Variants in FOXP1 observed in about 807,000 individuals in gnomAD.
FOXP1 encodes the protein forkhead box protein P1.
FOXP1 carries 15 observed loss-of-function variants against 98.2 expected under a neutral mutation model. The ratio of observed to expected loss-of-function variants is 0.15; its 90% CI spans 0.10 to 0.24. The LOEUF (loss-of-function observed/expected upper bound fraction) is 0.24. Ranked by LOEUF, FOXP1 falls within the 10% of genes least tolerant of loss-of-function variation. The probability of loss-of-function intolerance (pLI) is 1.00; values close to 1 mark genes in which losing one functional copy is unlikely to be tolerated. For synonymous variants in FOXP1, 371 were observed against 314.5 expected (o/e 1.18, Z -1.90); for missense variants, 633 against 848.5 (o/e 0.75, Z 3.15).
intron 7 of FOXP1, among the ~76,000 whole-genome samples, chr3:71,075,945 C>T (rs2107476865): frequency 6.6e-6 from 1 of 152,188 alleles, no homozygotes; most frequent in South Asian, 2.1e-4. Flanking sequence ...CTCTCGAACT[C>T]CTGGGCTCAA....
chr3:71,581,675 T>C lies in FOXP1; in HGVS notation c.-424A>G. 2.0e-6 allele frequency: 2 copies of C among 985,790 alleles called. No individual in the cohort carries two copies. The highest frequency in any genetic ancestry group is 2.4e-6 in the Non-Finnish European group (2 of 830,082). 61.1% of individuals were successfully genotyped at this position (985,790 alleles called of 1,614,324 possible). A position where few individuals can be genotyped will look rare whatever the true frequency, so the allele number is the denominator to read the frequency against. Reference sequence around the variant, plus strand: ...GCTCGCTCGCTCGCCGCGCGCTCTCTTCCTCTTACAAACTTTCGGGTTCTG... The same window carrying C: ...GCTCGCTCGCTCGCCGCGCGCTCTCCTCCTCTTACAAACTTTCGGGTTCTG... On this transcript the variant is annotated 5_prime_UTR_variant, in exon 2 of 21. Coordinates refer to ENST00000649528, the MANE Select transcript of FOXP1 (RefSeq NM_001349338.3).
At chr3:71,540,165 G>C (rs746661839) in intron 2 of FOXP1, among the ~76,000 whole-genome samples, 1 of 152,222 alleles carries the variant, frequency 6.6e-6, no homozygotes, top group African/African-American at 2.4e-5. Context: ...CACAAGTTTG[G>C]TGAGGGCCCC....
In FOXP1 at chr3:70,988,008, C is replaced by T. The variant is rs2107493694; in HGVS notation, c.1132G>A (p.Ala378Thr). Residue 378 changes from alanine (A) to threonine (T), a missense_variant, in exon 14 of 21, where the codon GCC (alanine) becomes ACC (threonine). This residue lies in a region of FOXP1 where 141 missense variants were observed against 199.5 expected (regional missense o/e 0.71). Coordinates refer to ENST00000649528, the MANE Select transcript of FOXP1 (RefSeq NM_001349338.3). ...HLHVKSTEPK[A>T]APQPLNLVSS... ...TCAATACTTACGGGCTGAGGGGCGG[C>T]TTTGGGTTCTGTAGACTTCACATGC... 6.2e-7 allele frequency: 1 copy of T among 1,614,074 alleles called. No homozygotes were observed. The highest frequency in any genetic ancestry group is 8.5e-7 in the Non-Finnish European group (1 of 1,179,974).
chr3:71,486,762 T>TG (rs1370402945), intron 3 of FOXP1, among the ~76,000 whole-genome samples: 22 of 152,344 alleles, frequency 1.4e-4, no homozygotes, highest in African/African-American at 5.0e-4. Context: ...TCCTTCTCTT[T>TG]GCTTCTGTGC....
chr3:71,150,573 C>G (rs1343679865), intron 6 of FOXP1, among the ~76,000 whole-genome samples: 1 of 152,108 alleles, frequency 6.6e-6, no homozygotes, highest in African/African-American at 2.4e-5. Context: ...CCTTAACACC[C>G]TCCAACTTCC....
chr3:71,538,766 G>C (rs36118531), intron 2 of FOXP1, among the ~76,000 whole-genome samples: 1 of 152,134 alleles, frequency 6.6e-6, no homozygotes, highest in African/African-American at 2.4e-5. Flanking sequence ...CCTTATCCAT[G>C]GTCATGAAGA....
At chr3:71,137,123 A>G (rs1395493453) in intron 6 of FOXP1, among the ~76,000 whole-genome samples, 1 of 152,180 alleles carries the variant, frequency 6.6e-6, no homozygotes, top group Non-Finnish European at 1.5e-5. Context: ...GGGTGGTGGG[A>G]GAGTATCTCA....
intron 5 of FOXP1, among the ~76,000 whole-genome samples, chr3:71,237,533 G>A (rs918337202): frequency 6.6e-6 from 1 of 152,160 alleles, no homozygotes; most frequent in African/African-American, 2.4e-5. Context: ...TTTCTGTGTG[G>A]TAAGGGAAAC....
At chr3:70,993,767 G>A (rs1027329663) in intron 13 of FOXP1, among the ~76,000 whole-genome samples, 10 of 152,182 alleles carry the variant, frequency 6.6e-5, no homozygotes, top group African/African-American at 2.4e-4. Flanking sequence ...GGCCGAGGCA[G>A]GCGGATCCCT....
At chr3:70,962,286 T>C (rs562635120) in intron 20 of FOXP1, among the ~76,000 whole-genome samples, 1 of 152,364 alleles carries the variant, frequency 6.6e-6, no homozygotes, top group South Asian at 2.1e-4. Context: ...ACTGTTTGTA[T>C]AATACAATGA....
chr3:71,572,812 CTT>C (rs1357086563), intron 2 of FOXP1: 2 of 152,184 alleles, frequency 1.3e-5, no homozygotes, highest in African/African-American at 4.8e-5. Flanking sequence ...CTGATTTACT[CTT>C]TGTTCCTTTT....
intron 20 of FOXP1, among the ~76,000 whole-genome samples, chr3:70,964,323 T>C (rs141592428): frequency 4.4e-4 from 67 of 152,354 alleles, no homozygotes; most frequent in African/African-American, 1.5e-3. Context: ...AACCCTGCAG[T>C]GACTTTCTTT....
chr3:71,502,980 GAAAAA>G (rs3037713), intron 2 of FOXP1, among the ~76,000 whole-genome samples: 21,205 of 141,548 alleles, frequency 0.15, 1,758 homozygotes, highest in Middle Eastern at 0.21. Flanking sequence ...TTTACAATTA[GAAAAA>G]AAAAAAAAAA....
intron 6 of FOXP1, among the ~76,000 whole-genome samples, chr3:71,177,528 AT>A (rs1271203832): frequency 6.6e-6 from 1 of 152,204 alleles, no homozygotes; most frequent in African/African-American, 2.4e-5. Flanking sequence ...ACAGTAAGAG[AT>A]GCTTGAGAGC....
intron 4 of FOXP1, among the ~76,000 whole-genome samples, chr3:71,301,432 G>A (rs1439802984): frequency 6.6e-6 from 1 of 152,100 alleles, no homozygotes; most frequent in Non-Finnish European, 1.5e-5. Context: ...GATACAAAGC[G>A]CACACAGAAA....
chr3:71,549,545 T>C (rs1336067989), intron 2 of FOXP1, among the ~76,000 whole-genome samples: 1 of 152,158 alleles, frequency 6.6e-6, no homozygotes, highest in Non-Finnish European at 1.5e-5. Context: ...TGGATAATTT[T>C]TGTGTTTTTA....
At chr3:71,441,092 T>C (rs1202963140) in intron 3 of FOXP1, among the ~76,000 whole-genome samples, 6 of 152,234 alleles carry the variant, frequency 3.9e-5, no homozygotes, top group Admixed American at 3.9e-4. Flanking sequence ...AAAACTTTTT[T>C]CAGCTGCCTC....
At chr3:71,007,856 G>A (rs934514083) in intron 12 of FOXP1, among the ~76,000 whole-genome samples, 4 of 152,046 alleles carry the variant, frequency 2.6e-5, no homozygotes, top group African/African-American at 2.4e-5. Flanking sequence ...TCGACCTTTC[G>A]GGAAGGGTCA....
At chr3:71,236,649 G>T (rs758916076) in intron 5 of FOXP1, among the ~76,000 whole-genome samples, 1 of 152,106 alleles carries the variant, frequency 6.6e-6, no homozygotes, top group Non-Finnish European at 1.5e-5. Flanking sequence ...GCAGGAGGAC[G>T]GCTTGAGCCC....
Sources: gnomAD v4.1 joint callset for allele counts (sites outside exome capture counted in the v4.1 genomes callset) on GRCh38, gnomAD v4.1.1 for gene constraint, gnomAD v4.1.1 regional missense constraint, MANE v1.5 for transcripts, NCBI Gene and HGNC (gene_info 2026-07-23, HGNC 2026-07-21) for gene names.